PLOD1: variants seen among roughly 807,000 people sequenced by gnomAD.
PLOD1 encodes lysine hydroxylase.
A neutral mutation model predicts 94.7 loss-of-function variants in PLOD1; 70 were observed. The ratio of observed to expected loss-of-function variants is 0.74; its 90% CI spans 0.61 to 0.90. The LOEUF is 0.90. Ranked by LOEUF, PLOD1 falls within the 40% of genes least tolerant of loss-of-function variation. The probability of loss-of-function intolerance (pLI) is 0.00; values close to 1 mark genes in which losing one functional copy is unlikely to be tolerated. For synonymous variants in PLOD1, 417 were observed against 400.2 expected (o/e 1.04, Z -0.50); for missense variants, 905 against 972.7 (o/e 0.93, Z 0.93).
intron 10 of PLOD1, among the ~76,000 whole-genome samples, chr1:11,961,756 T>C (rs1231367397): frequency 6.6e-6 from 1 of 152,186 alleles, no homozygotes; most frequent in East Asian, 1.9e-4. Context: ...ACTACAGGCA[T>C]GTGCCATCAC....
intron 2 of PLOD1, among the ~76,000 whole-genome samples, chr1:11,949,454 C>T (rs1474360227): frequency 6.6e-6 from 1 of 152,140 alleles, no homozygotes; most frequent in East Asian, 1.9e-4. Flanking sequence ...GAGTGTTGCT[C>T]TGTCTCCCAG....
At chr1:11,944,656 G>A in intron 1 of PLOD1, 3 of 1,354,676 alleles carry the variant, frequency 2.2e-6, no homozygotes, top group Non-Finnish European at 3.0e-6. Flanking sequence ...CTGGATCCCA[G>A]GTTCAGGTAG....
intron 1 of PLOD1, among the ~76,000 whole-genome samples, chr1:11,947,332 C>T (rs375970868): frequency 6.6e-5 from 10 of 151,794 alleles, no homozygotes; most frequent in African/African-American, 2.4e-4. Flanking sequence ...CCAGCACTTT[C>T]GGAGGCTGAA....
rs767376938 is a variant in PLOD1, at chr1:11,954,910, G to A, written c.643+17G>A. On this transcript the variant is annotated intron_variant, in intron 6 of 18. Coordinates refer to ENST00000196061, the MANE Select transcript of PLOD1 (RefSeq NM_000302.4). ...GAGCCTTGGGTGAGCAGCCCCCACG[G>A]GGAGGGGTGGATCCTCAGAGGGGTG... 6.3e-7 allele frequency: 1 copy of A among 1,597,052 alleles called. No individual in the cohort carries two copies. The highest frequency in any genetic ancestry group is 2.2e-5 in the East Asian group (1 of 44,826).
At chr1:11,954,783 C>T (rs746335274) in intron 5 of PLOD1, 47 bp from the exon 6 acceptor site, 4 of 1,414,778 alleles carry the variant, frequency 2.8e-6, no homozygotes, top group Admixed American at 3.3e-5. Context: ...GCCCCAGCCT[C>T]CCCCAGGGCC....
chr1:11,952,877 G>A (rs1377877410), intron 5 of PLOD1, 142 bp downstream of exon 5: 3 of 631,546 alleles, frequency 4.8e-6, no homozygotes, highest in Non-Finnish European at 8.6e-6. Flanking sequence ...CATAGGCTGG[G>A]TGGCTCCCAA....
intron 1 of PLOD1, chr1:11,944,483 T>A: frequency 7.6e-7 from 1 of 1,311,644 alleles, no homozygotes; most frequent in Admixed American, 2.2e-5. Context: ...GCTGGCTTTT[T>A]CCATCCATGA....
At chr1:11,968,211 C>G (rs1645835343) in intron 16 of PLOD1, among the ~76,000 whole-genome samples, 1 of 152,190 alleles carries the variant, frequency 6.6e-6, no homozygotes, top group Admixed American at 6.5e-5. Flanking sequence ...ACCTCGGCCT[C>G]CCAAATTGCT....
At chr1:11,945,929 G>A (rs761412247) in intron 1 of PLOD1, among the ~76,000 whole-genome samples, 4 of 151,918 alleles carry the variant, frequency 2.6e-5, no homozygotes, top group Non-Finnish European at 5.9e-5. Context: ...GGCTGTTCTC[G>A]AACTCCTGAT....
chr1:11,944,446 C>G, intron 1 of PLOD1: 1 of 956,308 alleles, frequency 1.0e-6, no homozygotes, highest in Non-Finnish European at 1.5e-6. Context: ...CACACACACA[C>G]ACACACACTC....
chr1:11,939,711 A>C (rs1269376165), intron 1 of PLOD1, among the ~76,000 whole-genome samples: 2 of 152,060 alleles, frequency 1.3e-5, no homozygotes, highest in Non-Finnish European at 2.9e-5. Flanking sequence ...GGGTTCAAGC[A>C]GTTCTCCTGC....
intron 16 of PLOD1, 91 bp from the exon 17 acceptor site, chr1:11,970,579 G>T: frequency 8.3e-7 from 1 of 1,199,550 alleles, no homozygotes; most frequent in East Asian, 2.4e-5. Context: ...AATGTGGTCC[G>T]GTCACATTCC....
intron 14 of PLOD1, 71 bp from the exon 15 acceptor site, chr1:11,966,180 G>T: frequency 9.0e-7 from 1 of 1,116,974 alleles, no homozygotes. Context: ...CCACTTTGAG[G>T]GGTCTGCTCT....
chr1:11,950,503 G>C lies in PLOD1; in HGVS notation c.449G>C (p.Arg150Thr), dbSNP rs753061220. 3 of 1,614,028 alleles carry C rather than the reference G, an allele frequency of 1.9e-6. No individual in the cohort carries two copies. Among genetic ancestry groups the C allele is most frequent in the Admixed American group, 3.3e-5 (2 of 60,028 alleles). Residue 150 changes from arginine to threonine, a missense_variant, in exon 4 of 19, where the codon AGG becomes ACG. By Grantham distance (71) the Arg-to-Thr change is moderately conservative. Coordinates refer to ENST00000196061, the MANE Select transcript of PLOD1 (RefSeq NM_000302.4). ...TATCCGGTGGTGTCCGATGGCAAGA[G>C]GTTCCTGGGCTCTGGAGGTGAGAGG... Reference protein sequence around the residue: ...TKYPVVSDGKRFLGSGGFIGY... With the variant: ...TKYPVVSDGKTFLGSGGFIGY...
intron 3 of PLOD1, 140 bp from the exon 4 acceptor site, chr1:11,950,217 A>G (rs1308791591): frequency 3.5e-6 from 3 of 845,976 alleles, no homozygotes; most frequent in South Asian, 1.6e-5. Context: ...AGACAGGTCC[A>G]TTTCCCAGAT....
Position 11,965,524 on chromosome 1 carries a change from G to A in PLOD1, c.1515G>A (p.Leu505=), listed in dbSNP as rs1034116707. The change falls in exon 14 of 19, where the codon CTG becomes CTA. Residue 505 remains leucine (L), a synonymous_variant. Transcript: ENST00000196061. ...CCAACCGGCACACCCTTGGCCATCT[G>A]CTCTCCCTAGACAGCTACCGCACCA... ...FLTNRHTLGH[L]LSLDSYRTTH... is the part of the protein sequence containing the mutation. 1.2e-6 allele frequency: 2 copies of A among 1,613,666 alleles called. No homozygotes were observed. Among genetic ancestry groups the A allele is most frequent in the African/African-American group, 2.7e-5 (2 of 74,908 alleles).
At chr1:11,970,016 A>G (rs1351250493) in intron 16 of PLOD1, among the ~76,000 whole-genome samples, 1 of 151,532 alleles carries the variant, frequency 6.6e-6, no homozygotes, top group Non-Finnish European at 1.5e-5. Context: ...CGAGGTGGGC[A>G]GATCACCTGA....
rs1158960087 is a variant in PLOD1 at position 11,963,299 on chromosome 1, C to T, written c.1098-233C>T. On this transcript the variant is annotated intron_variant, in intron 10 of 18. Transcript: ENST00000196061. The surrounding 1 kb of genome is among the most constrained non-coding windows in gnomAD (Gnocchi z 4.3). ...CTGTGGGCTGTGTTCTTCCCAGTAC[C>T]AGGATTTTCAGGGCACTTGATACCA... 6.6e-6 allele frequency among the ~76,000 whole-genome samples: 1 copy of T among 152,194 alleles called. No individual in the cohort carries two copies. The highest frequency in any genetic ancestry group is 6.5e-5 in the Admixed American group (1 of 15,272).
Position 11,964,189 on chromosome 1 carries a change from C to G in PLOD1, c.1217C>G (p.Pro406Arg). The G allele has an allele frequency of 6.2e-7, 1 of 1,613,844 alleles. No homozygotes were observed. Among genetic ancestry groups the G allele is most frequent in the Non-Finnish European group, 8.5e-7 (1 of 1,179,920 alleles). The change falls in exon 12 of 19, where the codon CCG (proline) becomes CGG (arginine). Residue 406 changes from proline to arginine, a missense_variant. Pro to Arg is a moderately radical substitution (Grantham distance 103). Transcript: ENST00000196061. Reference protein sequence around the residue: ...LIQQNKNVIAPLMTRHGRLWS... With the variant: ...LIQQNKNVIARLMTRHGRLWS... Reference sequence around the variant, plus strand: ...CCTTCCCTCAGGAACGTCATTGCCCCGCTGATGACCCGGCATGGGAGGCTG... The same window carrying G: ...CCTTCCCTCAGGAACGTCATTGCCCGGCTGATGACCCGGCATGGGAGGCTG...
Sources: allele counts gnomAD v4.1 joint callset (sites outside exome capture counted in the v4.1 genomes callset), GRCh38; gene constraint gnomAD v4.1.1; non-coding constraint Gnocchi (gnomAD v3.1); transcripts MANE v1.5; gene names NCBI Gene and HGNC (gene_info 2026-07-23, HGNC 2026-07-21).